TEX11: variants seen among roughly 807,000 people sequenced by gnomAD.
The protein encoded by TEX11 is testis expressed 11.
In TEX11, 7 loss-of-function variants were observed where a neutral mutation model predicts 84.4. The observed-to-expected ratio is 0.08, with a 90% CI of 0.05 to 0.16. TEX11 has a LOEUF of 0.16. Ranked by LOEUF, TEX11 falls within the 10% of genes least tolerant of loss-of-function variation. The pLI, the probability that TEX11 is intolerant of heterozygous loss-of-function variation, is 1.00. For synonymous variants in TEX11, 264 were observed against 222.8 expected, an observed-to-expected ratio of 1.18 and a Z score of -1.64; for missense variants, 551 against 660.5, an observed-to-expected ratio of 0.83 and a Z score of 1.82.
At chrX:70,647,291 C>T (rs746115113) in intron 17 of TEX11, among the ~76,000 whole-genome samples, 21 of 111,376 alleles carry the variant, frequency 1.9e-4, no homozygotes, top group Non-Finnish European at 3.0e-4. Flanking sequence ...ACAGAATTTC[C>T]GTTGAGCAGA....
chrX:70,744,234 G>GAA lies in TEX11; in HGVS notation c.693-17_693-16dup, dbSNP rs5902674. On this transcript the variant is annotated splice_polypyrimidine_tract_variant and intron_variant, in intron 9 of 29. Coordinates refer to ENST00000374333, the MANE Select transcript of TEX11 (RefSeq NM_031276.3). Reference sequence around the variant, plus strand: ...CATAGCTTTGGCTATCATTAAAAAGGAAAAAAAATATATATATATATATAA... The same window carrying GAA: ...CATAGCTTTGGCTATCATTAAAAAGGAAAAAAAAAATATATATATATATATAA... The GAA allele has an allele frequency of 2.0e-3, 1,311 of 660,252 alleles. 4 individuals carry two copies. Among genetic ancestry groups the GAA allele is most frequent in the African/African-American group, 9.5e-3 (360 of 37,854 alleles). 54.4% of individuals were successfully genotyped at this position (660,252 alleles called of 1,213,427 possible). A position where few individuals can be genotyped will look rare whatever the true frequency, so the allele number is the denominator to read the frequency against.
chrX:70,631,513 G>T (rs2089510176), intron 17 of TEX11, among the ~76,000 whole-genome samples: 1 of 107,462 alleles, frequency 9.3e-6, no homozygotes, highest in Non-Finnish European at 1.9e-5. Flanking sequence ...ACTGATTTGG[G>T]ACTGCGGCCT....
chrX:70,856,973 A>G lies in TEX11; in HGVS notation c.325-3645T>C, dbSNP rs189969735. 1.3e-4 allele frequency among the ~76,000 whole-genome samples: 14 copies of G among 111,368 alleles called. No homozygotes were observed. The East Asian group carries it at 3.7e-3, about 29-fold the overall frequency. On this transcript the variant is annotated intron_variant, in intron 5 of 29. Coordinates refer to ENST00000374333, the MANE Select transcript of TEX11 (RefSeq NM_031276.3). ...AACCAATTGGAGAGGGGGTGGGAGG[A>G]CTAGATATTTGATTTGGGGAAATCT...
intron 8 of TEX11, among the ~76,000 whole-genome samples, chrX:70,818,371 T>C (rs1355831056): frequency 3.6e-5 from 4 of 110,642 alleles, no homozygotes; most frequent in Non-Finnish European, 3.8e-5. Flanking sequence ...GATAACCACA[T>C]AGAAAACAGT....
At position 70,678,891 on chromosome X, in the gene TEX11, T is replaced by A; in HGVS notation, c.1157-2A>T. ...TCAGTTGTCTTCCTGTTTGGTGAGCTGAAAAAAAAAAAAAGCTCTGAAAAT... is the reference window on the plus strand; with the variant it reads ...TCAGTTGTCTTCCTGTTTGGTGAGCAGAAAAAAAAAAAAAGCTCTGAAAAT... On this transcript the variant is annotated splice_acceptor_variant, in intron 14 of 29. Coordinates refer to ENST00000374333, the MANE Select transcript of TEX11 (RefSeq NM_031276.3). LOFTEE classifies it high-confidence loss of function. 9.4e-7 allele frequency: 1 copy of A among 1,066,406 alleles called. No individual in the cohort carries two copies. Among genetic ancestry groups the A allele is most frequent in the Non-Finnish European group, 1.2e-6 (1 of 821,206 alleles). The allele number at this position is 1,066,406 out of a possible 1,213,427, so 87.9% of individuals were successfully genotyped here.
chrX:70,798,696 G>A (rs760812596), intron 9 of TEX11, among the ~76,000 whole-genome samples: 50 of 111,676 alleles, frequency 4.5e-4, no homozygotes, highest in African/African-American at 1.6e-3. Flanking sequence ...CATATTTATG[G>A]GCAACTGATG....
intron 25 of TEX11, among the ~76,000 whole-genome samples, chrX:70,572,960 C>A (rs62608031): frequency 0.2 from 21,793 of 109,406 alleles, 1,763 homozygotes; most frequent in African/African-American, 0.23. Context: ...ATGTAACTAA[C>A]CTGCACGTTG....
intron 25 of TEX11, among the ~76,000 whole-genome samples, chrX:70,579,796 ATAT>A (rs2088745358): frequency 8.9e-6 from 1 of 112,273 alleles, no homozygotes; most frequent in Non-Finnish European, 1.9e-5. Context: ...CTACAGTGAG[ATAT>A]TATCTCATCC....
At chrX:70,860,538 G>T (rs141921818) in intron 5 of TEX11, among the ~76,000 whole-genome samples, 1,650 of 110,942 alleles carry the variant, frequency 0.015, 22 homozygotes, top group African/African-American at 0.052. Flanking sequence ...AACTCATTTA[G>T]AACTAAGTAT....
At chrX:70,635,729 C>T (rs2089563534) in intron 17 of TEX11, among the ~76,000 whole-genome samples, 1 of 110,821 alleles carries the variant, frequency 9.0e-6, no homozygotes, top group African/African-American at 3.3e-5. Flanking sequence ...CTCTAGGCTG[C>T]TCCTTGTAGA....
the TEX11 span, among the ~76,000 whole-genome samples, chrX:70,517,865 C>G: frequency 3.6e-5 from 4 of 110,397 alleles, no homozygotes; most frequent in East Asian, 8.6e-4. Flanking sequence ...TGTATGTGTC[C>G]AGGAATTTGT....
chrX:70,812,527 C>T (rs753097569), intron 8 of TEX11, among the ~76,000 whole-genome samples: 32 of 111,073 alleles, frequency 2.9e-4, no homozygotes, highest in Middle Eastern at 4.2e-3. Flanking sequence ...TTTTTGCATA[C>T]GGTGTAAGGA....
intron 24 of TEX11, among the ~76,000 whole-genome samples, chrX:70,599,631 T>C (rs1321741114): frequency 1.9e-5 from 2 of 107,182 alleles, no homozygotes; most frequent in Admixed American, 9.9e-5. Flanking sequence ...TAACTCGTCA[T>C]CTAGCATTAG....
intron 8 of TEX11, among the ~76,000 whole-genome samples, chrX:70,821,184 C>A (rs986241685): frequency 8.9e-6 from 1 of 111,962 alleles, no homozygotes; most frequent in Non-Finnish European, 1.9e-5. Context: ...CAAAACAAAA[C>A]AAAAACCAGA....
chrX:70,643,347 A>G (rs2089690245), intron 17 of TEX11, among the ~76,000 whole-genome samples: 1 of 96,981 alleles, frequency 1.0e-5, no homozygotes, highest in Non-Finnish European at 2.1e-5. Flanking sequence ...CATACTGCCC[A>G]AGGTAATTTA....
intron 2 of TEX11, among the ~76,000 whole-genome samples, chrX:70,898,541 C>T (rs1037582560): frequency 1.8e-5 from 2 of 111,359 alleles, no homozygotes; most frequent in African/African-American, 6.5e-5. Flanking sequence ...ACTTGGAAGA[C>T]ACTGTATGGC....
intron 3 of TEX11, among the ~76,000 whole-genome samples, chrX:70,873,957 G>A (rs1338906574): frequency 1.8e-5 from 2 of 111,559 alleles, no homozygotes; most frequent in Non-Finnish European, 3.8e-5. Context: ...ATGTGGGGCT[G>A]ATGGGAGGTA....
At chrX:70,515,065 T>TCACA in the TEX11 span, among the ~76,000 whole-genome samples, 4,729 of 87,356 alleles carry the variant, frequency 0.054, 114 homozygotes, top group Middle Eastern at 0.1. Context: ...TGAAACTCGG[T>TCACA]CACACACACA....
At chrX:70,629,851 T>C (rs1304284398) in intron 17 of TEX11, 116 bp from the exon 18 acceptor site, 6 of 604,349 alleles carry the variant, frequency 9.9e-6, no homozygotes, top group Non-Finnish European at 1.2e-5. Flanking sequence ...TTTTAAAATG[T>C]TAGTATTCAT....
Sources: allele counts gnomAD v4.1 joint callset (sites outside exome capture counted in the v4.1 genomes callset), GRCh38; gene constraint gnomAD v4.1.1; transcripts MANE v1.5; gene names NCBI Gene and HGNC (gene_info 2026-07-23, HGNC 2026-07-21).